Variants in FSCN2 observed in about 807,000 individuals in gnomAD.
FSCN2 encodes fascin-2.
Under a neutral mutation model 37.8 loss-of-function variants are expected in FSCN2, and 46 were observed. That is an observed-to-expected ratio of 1.22 (90% confidence interval 0.96 to 1.56). The LOEUF is 1.56. Among genes scored for constraint, FSCN2 ranks in the 40% most tolerant of loss-of-function variants. The pLI, the probability that FSCN2 is intolerant of heterozygous loss-of-function variation, is 0.00. For missense variants in FSCN2, 844 were observed against 730.4 expected, an observed-to-expected ratio of 1.16 and a Z score of -1.79; for synonymous variants, 351 against 309.4, an observed-to-expected ratio of 1.13 and a Z score of -1.41.
chr17:81,522,867 C>T, the FSCN2 span, among the ~76,000 whole-genome samples: 1 of 152,226 alleles, frequency 6.6e-6, no homozygotes, highest in Non-Finnish European at 1.5e-5. Context: ...TTTTCATGAA[C>T]ACTCTCCTCC....
intron 1 of FSCN2, among the ~76,000 whole-genome samples, chr17:81,531,654 GTGATGGTGATGA>G (rs1377497663): frequency 0.018 from 2,231 of 123,448 alleles, 30 homozygotes; most frequent in Non-Finnish European, 0.026. Context: ...GGTGATGATA[GTGATGGTGATGA>G]TGATGGTGAT....
chr17:81,531,360 G>T (rs1187203930), intron 1 of FSCN2, among the ~76,000 whole-genome samples: 1 of 118,344 alleles, frequency 8.4e-6, no homozygotes, highest in Non-Finnish European at 1.8e-5. Flanking sequence ...GATGGTGATG[G>T]TGATGATGGT....
Position 81,536,216 on chromosome 17 carries a change from T to A in FSCN2, c.1054T>A (p.Tyr352Asn), listed in dbSNP as rs1465828986. Residue 352 changes from tyrosine to asparagine, a missense_variant, in exon 3 of 5, where the codon TAC becomes AAC. Physicochemically the swap from Tyr to Asn is moderately radical, Grantham distance 143 (BLOSUM62 -2). Transcript: ENST00000417245. ...AGCACTCAAAGCCAGCAACGGGCGCTACGTGTGCATGAAGAAGAATGGGCA... is the reference window on the plus strand; with the variant it reads ...AGCACTCAAAGCCAGCAACGGGCGCAACGTGTGCATGAAGAAGAATGGGCA... ...RVALKASNGR[Y>N]VCMKKNGQLA... 3 of 1,601,040 alleles carry A rather than the reference T, an allele frequency of 1.9e-6. No homozygotes were observed. In the African/African-American group the frequency reaches 4.0e-5, roughly 21 times the overall value.
At chr17:81,533,970 C>T (rs1008720229) in intron 1 of FSCN2, among the ~76,000 whole-genome samples, 4 of 152,184 alleles carry the variant, frequency 2.6e-5, no homozygotes, top group Non-Finnish European at 4.4e-5. Context: ...CCCCGGGTAC[C>T]GTGTCAGTGT....
chr17:81,532,464 ATGG>A (rs1156618532), intron 1 of FSCN2, among the ~76,000 whole-genome samples: 94 of 129,086 alleles, frequency 7.3e-4, no homozygotes, highest in African/African-American at 2.4e-3. Context: ...GGTGGTGGTG[ATGG>A]TGGTGGTGGT....
chr17:81,534,352 G>C (rs748823315), intron 1 of FSCN2, among the ~76,000 whole-genome samples: 1 of 152,138 alleles, frequency 6.6e-6, no homozygotes, highest in Non-Finnish European at 1.5e-5. Flanking sequence ...GGGAAGCTCC[G>C]CAATCTGACA....
the FSCN2 span, among the ~76,000 whole-genome samples, chr17:81,517,378 G>A: frequency 1.3e-5 from 2 of 152,176 alleles, no homozygotes; most frequent in Admixed American, 6.5e-5. Context: ...AGGGCTCTGC[G>A]ATGTGAGATG....
At chr17:81,531,483 G>GTGA (rs1156532539) in intron 1 of FSCN2, among the ~76,000 whole-genome samples, 1 of 130,230 alleles carries the variant, frequency 7.7e-6, no homozygotes, top group African/African-American at 2.9e-5. Context: ...GGTGGTGATG[G>GTGA]TGATGATGGT....
chr17:81,525,340 C>T (rs1173552087), upstream of FSCN2, among the ~76,000 whole-genome samples: 5 of 148,566 alleles, frequency 3.4e-5, no homozygotes, highest in South Asian at 1.1e-3. Flanking sequence ...GCAGGAGAAT[C>T]GCCTGAACCT....
chr17:81,533,235 C>T (rs1385716780), intron 1 of FSCN2, among the ~76,000 whole-genome samples: 1 of 152,204 alleles, frequency 6.6e-6, no homozygotes, highest in African/African-American at 2.4e-5. Flanking sequence ...GCATGTATCC[C>T]CCCCCATCGG....
Position 81,535,118 on chromosome 17 carries a change from A to G in FSCN2, c.893A>G (p.Gln298Arg). The G allele has an allele frequency of 1.4e-5, 21 of 1,534,020 alleles. No individual in the cohort carries two copies. Among genetic ancestry groups the G allele is most frequent in the Non-Finnish European group, 1.7e-5 (20 of 1,145,324 alleles). The change falls in exon 2 of 5, where the codon CAG becomes CGG. Residue 298 changes from glutamine to arginine, a missense_variant. By Grantham distance (43) the Gln-to-Arg change is conservative. Coordinates refer to ENST00000417245, the MANE Select transcript of FSCN2 (RefSeq NM_012418.4). ...GAGACCTTCCTGATGCAAATTGACC[A>G]GGAGACAAAGAAGTGCACCTTCTAT... ...DHETFLMQID[Q>R]ETKKCTFYSS...
chr17:81,515,445 G>A, the FSCN2 span, among the ~76,000 whole-genome samples: 1 of 152,242 alleles, frequency 6.6e-6, no homozygotes, highest in Non-Finnish European at 1.5e-5. Context: ...GGAGACTTGG[G>A]GCCTGGAGAA....
At position 81,536,686 on chromosome 17, in the gene FSCN2, C is replaced by T. The variant is rs749176828; in HGVS notation, c.1170C>T (p.Asp390=). 42 of 1,610,836 alleles carry T rather than the reference C, an allele frequency of 2.6e-5. No homozygotes were observed. Among genetic ancestry groups the T allele is most frequent in the Non-Finnish European group, 3.4e-5 (40 of 1,179,498 alleles). Residue 390 remains aspartate (D), a synonymous_variant, in exon 4 of 5, where the codon GAC becomes GAT. Coordinates refer to ENST00000417245, the MANE Select transcript of FSCN2 (RefSeq NM_012418.4). ...CCATCCTGGTGCTGCGCGGCCTGGACGGCTTCGTCTGCCACCACCGCGGCT... is the reference window on the plus strand; with the variant it reads ...CCATCCTGGTGCTGCGCGGCCTGGATGGCTTCGTCTGCCACCACCGCGGCT... ...NRPILVLRGL[D]GFVCHHRGSN...
chr17:81,515,907 C>T, the FSCN2 span, among the ~76,000 whole-genome samples: 1 of 152,248 alleles, frequency 6.6e-6, no homozygotes, highest in African/African-American at 2.4e-5. Context: ...CGCAGTGGCG[C>T]GATCTTGGCT....
chr17:81,515,537 G>A, the FSCN2 span, among the ~76,000 whole-genome samples: 15 of 152,156 alleles, frequency 9.9e-5, no homozygotes, highest in Admixed American at 6.5e-5. Flanking sequence ...TTTTAGTTTC[G>A]GCCCATTTAG....
At chr17:81,523,919 A>C (rs1423816959), upstream of FSCN2, 2 of 152,404 alleles carry the variant, frequency 1.3e-5, no homozygotes, top group Non-Finnish European at 2.9e-5. Context: ...TCCAGCCTGG[A>C]GCACGTGCCG....
At chr17:81,531,306 G>A (rs200196091) in intron 1 of FSCN2, among the ~76,000 whole-genome samples, 43 of 42,542 alleles carry the variant, frequency 1.0e-3, no homozygotes, top group Middle Eastern at 0.013. Flanking sequence ...GATGGTGATG[G>A]TGGTGGTGGT....
At chr17:81,521,742 T>C in the FSCN2 span, among the ~76,000 whole-genome samples, 5 of 152,168 alleles carry the variant, frequency 3.3e-5, no homozygotes, top group East Asian at 9.6e-4. Flanking sequence ...CTCCTTCTAT[T>C]TCTGAGCCCT....
At position 81,535,156 on chromosome 17, in the gene FSCN2, G is replaced by T; in HGVS notation, c.931G>T (p.Gly311Cys). The stretch of plus-strand genomic sequence containing the variant: ...GTGCACCTTCTATTCCAGCACTGGG[G>T]GCTACTGGACCCTGGTCACCCATGG... The part of the protein sequence containing the change: ...KKCTFYSSTG[G>C]YWTLVTHGGI... Residue 311 changes from glycine to cysteine, a missense_variant, in exon 2 of 5, where the codon GGC becomes TGC. Transcript: ENST00000417245. The T allele has an allele frequency of 8.5e-6, 13 of 1,533,884 alleles. No individual in the cohort carries two copies. Among genetic ancestry groups the T allele is most frequent in the Non-Finnish European group, 1.1e-5 (13 of 1,145,484 alleles).
Sources: gnomAD v4.1 joint callset for allele counts (sites outside exome capture counted in the v4.1 genomes callset) on GRCh38, gnomAD v4.1.1 for gene constraint, MANE v1.5 for transcripts, NCBI Gene and HGNC (gene_info 2026-07-23, HGNC 2026-07-21) for gene names.